Variants in CD247 observed in about 807,000 individuals in gnomAD.
CD247 encodes the protein CD247 molecule, also known as T-cell surface glycoprotein CD3 zeta chain.
In CD247, 13 loss-of-function variants were observed where a neutral mutation model predicts 30.0. The ratio of observed to expected loss-of-function variants is 0.43; its 90% CI spans 0.28 to 0.69. The LOEUF (loss-of-function observed/expected upper bound fraction) is 0.69, where lower values mean the gene tolerates loss of function less well. Ranked by LOEUF, CD247 falls within the 30% of genes least tolerant of loss-of-function variation. The pLI is 0.16. For synonymous variants in CD247, 72 were observed against 80.0 expected (o/e 0.90, Z 0.53); for missense variants, 193 against 212.6 (o/e 0.91, Z 0.57).
chr1:167,498,134 G>A (rs553325646), intron 1 of CD247, among the ~76,000 whole-genome samples: 2 of 152,264 alleles, frequency 1.3e-5, no homozygotes, highest in Admixed American at 6.5e-5. Flanking sequence ...CTGGCCAAAG[G>A]CAGTGGCTTC....
chr1:167,498,393 C>A (rs939810299), intron 1 of CD247, among the ~76,000 whole-genome samples: 2 of 152,196 alleles, frequency 1.3e-5, no homozygotes, highest in African/African-American at 2.4e-5. Flanking sequence ...CTCAAGGGAG[C>A]TGAAGATGAG....
chr1:167,464,633 A>C (rs532051356), intron 1 of CD247, among the ~76,000 whole-genome samples: 33 of 152,198 alleles, frequency 2.2e-4, no homozygotes, highest in Admixed American at 5.2e-4. Flanking sequence ...CTCAGCCCCC[A>C]CTCCTATTCT....
intron 1 of CD247, 75 bp from the exon 2 acceptor site, chr1:167,440,842 T>C (rs1382434398): frequency 2.7e-5 from 24 of 875,268 alleles, no homozygotes; most frequent in Non-Finnish European, 4.1e-5. Context: ...AGGGTGGCAC[T>C]AGGACTGACT....
chr1:167,465,570 A>G (rs1165898193), intron 1 of CD247, among the ~76,000 whole-genome samples: 1 of 151,964 alleles, frequency 6.6e-6, no homozygotes, highest in African/African-American at 2.4e-5. Context: ...ACCTCAGGTG[A>G]TCCATCTGCC....
At position 167,494,876 on chromosome 1, in the gene CD247, T is replaced by G. The variant is rs773993193; in HGVS notation, c.58+23532A>C. Among the ~76,000 whole-genome samples, 2 of 152,170 alleles carry G rather than the reference T, an allele frequency of 1.3e-5. No homozygotes were observed. Among genetic ancestry groups the G allele is most frequent in the Non-Finnish European group, 2.9e-5 (2 of 68,028 alleles). On this transcript the variant is annotated intron_variant, in intron 1 of 7. Transcript: ENST00000362089. The surrounding 1 kb of genome is among the most constrained non-coding windows in gnomAD (Gnocchi z 7.3). ...GGGTTAGAGACCTATTCCAGGACTT[T>G]ACTCTACAGCAAAGCAGTCCGGGTT...
In CD247 at chr1:167,440,765, C is replaced by A; in HGVS notation, c.61G>T (p.Ala21Ser). ...GGATCCAGCAGGCCAAAGCTCTGTG[C>A]CTCTGTGCCAAGAGATAAAGCTGGT... is the stretch of plus-strand genomic sequence containing the variant. ...ILQAQLPITE[A>S]QSFGLLDPKL... Residue 21 changes from alanine (A) to serine (S), a missense_variant and splice_region_variant, in exon 2 of 8, where the codon GCA becomes TCA. Physicochemically the swap from Ala to Ser is moderately conservative, Grantham distance 99. Coordinates refer to ENST00000362089, the MANE Select transcript of CD247 (RefSeq NM_198053.3). 6.2e-7 allele frequency: 1 copy of A among 1,608,764 alleles called. No homozygotes were observed. The highest frequency in any genetic ancestry group is 8.5e-7 in the Non-Finnish European group (1 of 1,175,962).
In CD247 at chr1:167,475,174, G is replaced by GA. The variant is rs1339865268; in HGVS notation, c.59-34408dup. Among the ~76,000 whole-genome samples the GA allele has an allele frequency of 5.3e-5, 8 of 152,082 alleles. No homozygotes were observed. The East Asian group carries it at 9.7e-4, about 18-fold the overall frequency. ...AAATTATTACTTAACTTTTTACTGG[G>GA]AAAAAACCCCACCATTTTTATTATA... On this transcript the variant is annotated intron_variant, in intron 1 of 7. Transcript: ENST00000362089.
intron 1 of CD247, among the ~76,000 whole-genome samples, chr1:167,462,394 G>A (rs954441692): frequency 1.3e-5 from 2 of 152,226 alleles, no homozygotes; most frequent in South Asian, 2.1e-4. Context: ...GGAACAGGCC[G>A]CAGCAATGGG....
intron 1 of CD247, among the ~76,000 whole-genome samples, chr1:167,486,068 C>T (rs1253876478): frequency 2.0e-5 from 3 of 152,164 alleles, no homozygotes; most frequent in African/African-American, 4.8e-5. Flanking sequence ...CACCATGCTC[C>T]GAGGGGCAGG....
chr1:167,454,113 C>A (rs1384494794), intron 1 of CD247, among the ~76,000 whole-genome samples: 3 of 151,990 alleles, frequency 2.0e-5, no homozygotes, highest in Non-Finnish European at 4.4e-5. Context: ...ATGGATAGTG[C>A]TGATGATTGT....
intron 1 of CD247, among the ~76,000 whole-genome samples, chr1:167,451,975 C>T (rs1158538902): frequency 6.6e-6 from 1 of 152,220 alleles, no homozygotes; most frequent in Non-Finnish European, 1.5e-5. Flanking sequence ...GTATTCCCAG[C>T]ACTTTGGGAG....
At chr1:167,516,629 C>T (rs961512335) in intron 1 of CD247, among the ~76,000 whole-genome samples, 9 of 152,162 alleles carry the variant, frequency 5.9e-5, no homozygotes, top group African/African-American at 1.9e-4. Context: ...TTTGCCTTAC[C>T]GTACCTCGTT....
chr1:167,462,357 C>A (rs1021503239), intron 1 of CD247, among the ~76,000 whole-genome samples: 3 of 152,210 alleles, frequency 2.0e-5, no homozygotes, highest in African/African-American at 7.2e-5. Context: ...GTGAGTCCAG[C>A]GATGAAGCCA....
At chr1:167,508,252 G>A (rs140798251) in intron 1 of CD247, among the ~76,000 whole-genome samples, 11 of 151,928 alleles carry the variant, frequency 7.2e-5, no homozygotes, top group African/African-American at 2.2e-4. Context: ...GCTATTGCGC[G>A]ACGAGATGCT....
chr1:167,434,722 C>A, intron 5 of CD247: 1 of 448,842 alleles, frequency 2.2e-6, no homozygotes, highest in South Asian at 1.6e-5. Context: ...GGCTGATCAA[C>A]CTGGGAACTC....
At chr1:167,463,382 T>C (rs71572461) in intron 1 of CD247, among the ~76,000 whole-genome samples, 6,304 of 152,284 alleles carry the variant, frequency 0.041, 190 homozygotes, top group Non-Finnish European at 0.063. Context: ...CTGCCTCCCT[T>C]CTGACTTCAA....
chr1:167,442,222 T>C (rs1213249017), intron 1 of CD247, among the ~76,000 whole-genome samples: 1 of 152,224 alleles, frequency 6.6e-6, no homozygotes, highest in Non-Finnish European at 1.5e-5. Context: ...GTGCAGCAAC[T>C]CAACCTGTAA....
intron 1 of CD247, among the ~76,000 whole-genome samples, chr1:167,476,963 T>G (rs1287067499): frequency 6.6e-6 from 1 of 152,246 alleles, no homozygotes; most frequent in African/African-American, 2.4e-5. Context: ...GGGGCAAAGA[T>G]GTAAAGGTTA....
At chr1:167,474,787 T>C (rs1373865929) in intron 1 of CD247, among the ~76,000 whole-genome samples, 2 of 144,220 alleles carry the variant, frequency 1.4e-5, no homozygotes, top group Admixed American at 7.1e-5. Flanking sequence ...GGAGTCTTGC[T>C]CTGTCCCCAG....
Sources: gnomAD v4.1 joint callset for allele counts (sites outside exome capture counted in the v4.1 genomes callset) on GRCh38, gnomAD v4.1.1 for gene constraint, Gnocchi (gnomAD v3.1) non-coding constraint, MANE v1.5 for transcripts, NCBI Gene and HGNC (gene_info 2026-07-23, HGNC 2026-07-21) for gene names.